Variants in PXK observed in about 807,000 individuals in gnomAD.
PXK encodes PX domain containing serine/threonine kinase like, also known as PX domain-containing protein kinase-like protein.
In PXK, 35 loss-of-function variants were observed where a neutral mutation model predicts 84.7. The observed-to-expected ratio is 0.41, with a 90% confidence interval of 0.32 to 0.55. The LOEUF (loss-of-function observed/expected upper bound fraction) is 0.55, where lower values mean the gene tolerates loss of function less well. PXK is among the 20% of genes least tolerant of loss of function. The pLI is 0.21. For synonymous variants in PXK, 253 were observed against 260.8 expected (o/e 0.97, Z 0.29); for missense variants, 634 against 699.7 (o/e 0.91, Z 1.06).
intron 1 of PXK, among the ~76,000 whole-genome samples, chr3:58,348,423 G>A (rs1298050449): frequency 1.3e-5 from 2 of 152,184 alleles, no homozygotes; most frequent in Non-Finnish European, 2.9e-5. Context: ...TAGGGATGGA[G>A]TTAATTCACT....
chr3:58,382,850 A>G (rs1177790523), intron 4 of PXK, 150 bp downstream of exon 4: 1 of 574,770 alleles, frequency 1.7e-6, no homozygotes, highest in South Asian at 5.2e-5. Context: ...GATTTTCTTG[A>G]TTGTAGTTTA....
At chr3:58,340,157 G>A (rs564763672) in intron 1 of PXK, among the ~76,000 whole-genome samples, 53 of 143,842 alleles carry the variant, frequency 3.7e-4, no homozygotes, top group African/African-American at 9.6e-4. Flanking sequence ...GTCTCACTCC[G>A]TCAGCCAGGC....
At chr3:58,351,395 T>TTTTG (rs542281716) in intron 1 of PXK, among the ~76,000 whole-genome samples, 17,604 of 140,648 alleles carry the variant, frequency 0.13, 1,059 homozygotes, top group Middle Eastern at 0.15. Context: ...AGCTAGCTAT[T>TTTTG]TGTGTGTGTG....
At chr3:58,338,807 C>T (rs914910603) in intron 1 of PXK, among the ~76,000 whole-genome samples, 29 of 151,550 alleles carry the variant, frequency 1.9e-4, no homozygotes, top group African/African-American at 4.4e-4. Flanking sequence ...TTCAGCCTCC[C>T]GAGTAGATGG....
chr3:58,389,813 A>G (rs2098605212), intron 4 of PXK, among the ~76,000 whole-genome samples: 2 of 151,922 alleles, frequency 1.3e-5, no homozygotes, highest in African/African-American at 4.8e-5. Flanking sequence ...CAGCCTGAAC[A>G]ACATGGAGAA....
intron 17 of PXK, chr3:58,420,928 C>G (rs1201895625): frequency 9.1e-7 from 1 of 1,102,958 alleles, no homozygotes; most frequent in Non-Finnish European, 1.1e-6. Flanking sequence ...CCTAGTTACT[C>G]TGATGAAGAG....
chr3:58,347,309 T>G (rs1380155249), intron 1 of PXK, among the ~76,000 whole-genome samples: 1 of 152,200 alleles, frequency 6.6e-6, no homozygotes, highest in African/African-American at 2.4e-5. Flanking sequence ...AAGTATACAA[T>G]TTGATAAATC....
At chr3:58,402,878 G>A (rs1165153545) in intron 12 of PXK, among the ~76,000 whole-genome samples, 1 of 151,316 alleles carries the variant, frequency 6.6e-6, no homozygotes, top group Non-Finnish European at 1.5e-5. Flanking sequence ...TGTCATGGGG[G>A]TTTGTTGTAC....
chr3:58,341,293 G>A (rs2107749060), intron 1 of PXK, among the ~76,000 whole-genome samples: 1 of 152,268 alleles, frequency 6.6e-6, no homozygotes, highest in East Asian at 1.9e-4. Context: ...CAGGCATGGT[G>A]GCTCATGCCT....
intron 2 of PXK, among the ~76,000 whole-genome samples, chr3:58,366,378 A>G (rs2098272415): frequency 6.6e-6 from 1 of 152,006 alleles, no homozygotes; most frequent in African/African-American, 2.4e-5. Flanking sequence ...CATTGTCTCT[A>G]GGGGAGGGTC....
chr3:58,397,403 T>C lies in PXK; in HGVS notation c.985-202T>C, dbSNP rs190578137. 6.6e-6 allele frequency among the ~76,000 whole-genome samples: 1 copy of C among 152,190 alleles called. No homozygotes were observed. The highest frequency in any genetic ancestry group is 6.5e-5 in the Admixed American group (1 of 15,286). ...GTAAGGAGGGAGGTGGACTCACTGA[T>C]TGGAAAACTGTGGAGGGTCGGACCA... On this transcript the variant is annotated intron_variant, in intron 10 of 17. Coordinates refer to ENST00000356151, the MANE Select transcript of PXK (RefSeq NM_017771.5). The surrounding 1 kb of genome is among the most constrained non-coding windows in gnomAD (Gnocchi z 4.7).
At chr3:58,338,093 G>A (rs1359129252) in intron 1 of PXK, among the ~76,000 whole-genome samples, 18 of 152,044 alleles carry the variant, frequency 1.2e-4, no homozygotes, top group Non-Finnish European at 4.4e-5. Flanking sequence ...TGTAATCCCA[G>A]CACTTTGGGA....
At chr3:58,350,671 G>C (rs1005272752) in intron 1 of PXK, among the ~76,000 whole-genome samples, 1 of 152,196 alleles carries the variant, frequency 6.6e-6, no homozygotes, top group African/African-American at 2.4e-5. Flanking sequence ...TTGTATAAGA[G>C]ATGTAGTGAC....
At chr3:58,351,475 G>A (rs1407811355) in intron 1 of PXK, among the ~76,000 whole-genome samples, 1 of 151,286 alleles carries the variant, frequency 6.6e-6, no homozygotes, top group Non-Finnish European at 1.5e-5. Flanking sequence ...TGCCCAGGCT[G>A]GTCTTGAACT....
At chr3:58,423,554 G>A (rs1480228444) in intron 17 of PXK, 3 of 1,527,402 alleles carry the variant, frequency 2.0e-6, no homozygotes, top group Admixed American at 4.0e-5. Flanking sequence ...TGAAAAGGAT[G>A]TACTTACCTG....
intron 17 of PXK, chr3:58,413,923 A>G (rs977818364): frequency 6.6e-6 from 1 of 152,328 alleles, no homozygotes; most frequent in East Asian, 1.9e-4. Flanking sequence ...TGACCCTCCT[A>G]AGAAAATGAG....
chr3:58,395,895 T>G (rs543831474), intron 9 of PXK, 136 bp downstream of exon 9: 1 of 662,674 alleles, frequency 1.5e-6, no homozygotes, highest in East Asian at 3.1e-5. Context: ...TGTCATATTT[T>G]GCCTCAAAAA....
intron 8 of PXK, among the ~76,000 whole-genome samples, chr3:58,395,367 T>C (rs976647381): frequency 6.6e-6 from 1 of 152,224 alleles, no homozygotes; most frequent in Admixed American, 6.5e-5. Context: ...GTTTTTAAGT[T>C]TGTGTTTTGC....
chr3:58,337,100 A>T lies in PXK; in HGVS notation c.102+4010A>T, dbSNP rs534828688. On this transcript the variant is annotated intron_variant, in intron 1 of 17. Transcript: ENST00000356151. ...GCAGGGATTACAGGTTTGAGCCACC[A>T]TGCCTGGCAGTTTTCTCCTTTTTAA... Among the ~76,000 whole-genome samples the T allele has an allele frequency of 4.6e-5, 7 of 152,264 alleles. No homozygotes were observed. In the East Asian group the frequency reaches 1.4e-3, roughly 29 times the overall value.
Sources: gnomAD v4.1 joint callset for allele counts (sites outside exome capture counted in the v4.1 genomes callset) on GRCh38, gnomAD v4.1.1 for gene constraint, Gnocchi (gnomAD v3.1) non-coding constraint, MANE v1.5 for transcripts, NCBI Gene and HGNC (gene_info 2026-07-23, HGNC 2026-07-21) for gene names.